Variants in LIMCH1 observed in about 807,000 individuals in gnomAD.
LIMCH1 encodes LIM and calponin homology domains 1, also known as LIM and calponin homology domains-containing protein 1.
Under a neutral mutation model 176.5 loss-of-function variants are expected in LIMCH1, and 113 were observed. The observed-to-expected ratio is 0.64, with a 90% CI of 0.55 to 0.75. The LOEUF (loss-of-function observed/expected upper bound fraction) is 0.75. LIMCH1 is among the 30% of genes least tolerant of loss of function. LIMCH1 has a pLI of 0.00. For synonymous variants in LIMCH1, 619 were observed against 645.9 expected (o/e 0.96, Z 0.63); for missense variants, 1,674 against 1,814.9 (o/e 0.92, Z 1.41).
chr4:41,444,309 TATATACACACACACACACACACAC>T (rs1314959344), intron 1 of LIMCH1, among the ~76,000 whole-genome samples: 1,892 of 99,568 alleles, frequency 0.019, 51 homozygotes, highest in African/African-American at 0.055. Flanking sequence ...TGTGTGTATA[TATATACACACACACACACACACAC>T]ACACACACAC....
intron 2 of LIMCH1, among the ~76,000 whole-genome samples, chr4:41,500,578 T>C (rs1279118629): frequency 5.9e-5 from 9 of 152,234 alleles, no homozygotes. Context: ...TTCATATAGG[T>C]AGATGGTTCA....
At chr4:41,554,692 A>T (rs7682470) in intron 1 of LIMCH1, among the ~76,000 whole-genome samples, 42,885 of 152,024 alleles carry the variant, frequency 0.28, 8,639 homozygotes, top group African/African-American at 0.57. Context: ...GTCCATATAT[A>T]CTGCTGCCAA....
At chr4:41,421,206 T>C (rs1455783747) in intron 1 of LIMCH1, among the ~76,000 whole-genome samples, 3 of 152,188 alleles carry the variant, frequency 2.0e-5, no homozygotes, top group Non-Finnish European at 4.4e-5. Context: ...CTTGGTTCCT[T>C]ATGGTAAAGT....
chr4:41,383,138 T>C (rs918648984), intron 1 of LIMCH1, among the ~76,000 whole-genome samples: 4 of 152,226 alleles, frequency 2.6e-5, no homozygotes, highest in African/African-American at 9.6e-5. Flanking sequence ...TTTGAACTAA[T>C]AATCAGTTGT....
intron 4 of LIMCH1, among the ~76,000 whole-genome samples, chr4:41,611,820 G>C (rs1007908841): frequency 1.3e-5 from 2 of 152,194 alleles, no homozygotes; most frequent in African/African-American, 4.8e-5. Flanking sequence ...AATAATCCAA[G>C]ATAATTACTT....
rs2093984095 is a variant in LIMCH1 at position 41,644,626 on chromosome 4, T to G, written c.2253T>G (p.Asp751Glu). ...GGGAAGAGGACGACAAATGGCAAGA[T>G]GTGAGTTGTGGCCAAGGCGCGCGGG... ...QLREEDDKWQDDLARWKSRRR... is the reference protein window; with the variant it reads ...QLREEDDKWQEDLARWKSRRR... Residue 751 changes from aspartate to glutamate, a missense_variant and splice_region_variant, in exon 15 of 32, where the codon GAT becomes GAG. Physicochemically the swap from Asp to Glu is conservative, Grantham distance 45 (BLOSUM62 2). This residue lies in a region of LIMCH1 where 1,015 missense variants were observed against 1,102.5 expected (regional missense o/e 0.92). Coordinates refer to ENST00000503057, the MANE Select transcript of LIMCH1 (RefSeq NM_001330672.2). 10 of 1,608,892 alleles carry G rather than the reference T, an allele frequency of 6.2e-6. No individual in the cohort carries two copies. Among genetic ancestry groups the G allele is most frequent in the Non-Finnish European group, 8.5e-6 (10 of 1,177,220 alleles).
chr4:41,668,826 A>G (rs964028499), intron 21 of LIMCH1, among the ~76,000 whole-genome samples: 2 of 152,208 alleles, frequency 1.3e-5, no homozygotes, highest in African/African-American at 4.8e-5. Flanking sequence ...AGATGAAGGA[A>G]GAGCAACGGG....
chr4:41,527,291 G>C (rs938523994), intron 3 of LIMCH1, among the ~76,000 whole-genome samples: 2 of 152,134 alleles, frequency 1.3e-5, no homozygotes, highest in African/African-American at 4.8e-5. Context: ...AATAACTATG[G>C]TTAACAGTTT....
At chr4:41,392,612 G>T (rs1459455130) in intron 1 of LIMCH1, among the ~76,000 whole-genome samples, 1 of 152,170 alleles carries the variant, frequency 6.6e-6, no homozygotes, top group Non-Finnish European at 1.5e-5. Flanking sequence ...AACTCAGCTT[G>T]GTGAGTTACT....
At chr4:41,583,584 T>C (rs4276314) in intron 1 of LIMCH1, among the ~76,000 whole-genome samples, 7,728 of 152,238 alleles carry the variant, frequency 0.051, 519 homozygotes, top group African/African-American at 0.16. Flanking sequence ...GACGATGAAA[T>C]GTGGTTTCCA....
intron 1 of LIMCH1, among the ~76,000 whole-genome samples, chr4:41,586,005 T>TTTCTCTTCTCTTCTCTTCTC (rs71198670): frequency 5.4e-5 from 8 of 148,114 alleles, no homozygotes; most frequent in Non-Finnish European, 1.2e-4. Flanking sequence ...TCTGTCTTCT[T>TTTCTCTTCTCTTCTCTTCTC]TTCTCTTCTC....
At chr4:41,677,315 G>A (rs1404993425) in intron 23 of LIMCH1, among the ~76,000 whole-genome samples, 1 of 152,158 alleles carries the variant, frequency 6.6e-6, no homozygotes, top group Admixed American at 6.5e-5. Flanking sequence ...GGCTGAGACA[G>A]GAGAATTGTT....
intron 1 of LIMCH1, among the ~76,000 whole-genome samples, chr4:41,578,323 A>G (rs1469897229): frequency 1.3e-5 from 2 of 152,184 alleles, no homozygotes; most frequent in South Asian, 2.1e-4. Context: ...TATCATGAGA[A>G]CAGCGTAGAG....
intron 2 of LIMCH1, among the ~76,000 whole-genome samples, chr4:41,512,111 C>G (rs2075001044): frequency 6.6e-6 from 1 of 152,074 alleles, no homozygotes. Context: ...AGACACTTCT[C>G]CAAAGAAGCT....
In LIMCH1 at chr4:41,685,765, G is replaced by A. The variant is rs747227262; in HGVS notation, c.4023G>A (p.Lys1341=). The A allele has an allele frequency of 2.0e-5, 33 of 1,613,604 alleles. 1 individual carries two copies. Among genetic ancestry groups the A allele is most frequent in the Non-Finnish European group, 2.6e-5 (31 of 1,179,706 alleles). The change falls in exon 28 of 32, where the codon AAG becomes AAA. Residue 1341 remains lysine (K), a synonymous_variant. Transcript: ENST00000503057. ...SNPTHSSEDV[K]PKTLPLDKSI... ...CAACGCACAGTTCAGAAGATGTGAA[G>A]CCAAAAACCCTCCCGCTGGATAAAA...
rs149262188 is a variant in LIMCH1 at position 41,423,175 on chromosome 4, G to A, written c.96+62239G>A. Among the ~76,000 whole-genome samples the A allele has an allele frequency of 1.2e-3, 185 of 152,292 alleles. 1 individual carries two copies. The highest frequency in any genetic ancestry group is 4.0e-3 in the African/African-American group (165 of 41,564). On this transcript the variant is annotated intron_variant, in intron 1 of 26. Transcript: ENST00000313860. Reference sequence around the variant, plus strand: ...CATGGGGTGCTTGATAAACATCAGCGTCAGACACCCTCCGTATGATATGGA... The same window carrying A: ...CATGGGGTGCTTGATAAACATCAGCATCAGACACCCTCCGTATGATATGGA...
chr4:41,371,575 G>GCC lies in LIMCH1; in HGVS notation c.96+10640_96+10641dup, dbSNP rs550964506. On this transcript the variant is annotated intron_variant, in intron 1 of 26. Transcript: ENST00000313860. ...AAATGTGGATTTAGGGTGCCTCCCT[G>GCC]CCAGGCACCGTTAGTTCTTTGCGTA... is the stretch of plus-strand genomic sequence containing the variant. Among the ~76,000 whole-genome samples the GCC allele has an allele frequency of 5.9e-5, 9 of 152,244 alleles. No homozygotes were observed. In the East Asian group the frequency reaches 1.5e-3, roughly 26 times the overall value.
At chr4:41,642,352 A>T (rs2093859263) in intron 14 of LIMCH1, among the ~76,000 whole-genome samples, 1 of 151,972 alleles carries the variant, frequency 6.6e-6, no homozygotes, top group Non-Finnish European at 1.5e-5. Flanking sequence ...AATGGGACGA[A>T]TTTTTGTGTC....
intron 1 of LIMCH1, among the ~76,000 whole-genome samples, chr4:41,580,645 T>C (rs1018438383): frequency 6.6e-6 from 1 of 151,816 alleles, no homozygotes; most frequent in Non-Finnish European, 1.5e-5. Flanking sequence ...AAAATAAACC[T>C]AAAAAAACAG....
Sources: allele counts gnomAD v4.1 joint callset (sites outside exome capture counted in the v4.1 genomes callset), GRCh38; gene constraint gnomAD v4.1.1; regional missense constraint gnomAD v4.1.1; transcripts MANE v1.5; gene names NCBI Gene and HGNC (gene_info 2026-07-23, HGNC 2026-07-21).